The following OSBPL3 variants were observed in gnomAD, a reference collection of about 807,000 sequenced individuals.
OSBPL3 encodes oxysterol-binding protein-related protein 3.
OSBPL3 carries 65 observed loss-of-function variants against 120.1 expected under a neutral mutation model. The ratio of observed to expected loss-of-function variants is 0.54; its 90% CI spans 0.44 to 0.67. The LOEUF is 0.67. OSBPL3 is among the 30% of genes least tolerant of loss of function. OSBPL3 has a pLI of 0.00. For synonymous variants in OSBPL3, 416 were observed against 402.6 expected (o/e 1.03, Z -0.40); for missense variants, 1,004 against 1,082.1 (o/e 0.93, Z 1.01).
chr7:24,824,817 A>G lies in OSBPL3; in HGVS notation c.1885-4579T>C, dbSNP rs184522200. On this transcript the variant is annotated intron_variant, in intron 16 of 22. Transcript: ENST00000313367. The surrounding 1 kb of genome is among the most constrained non-coding windows in gnomAD (Gnocchi z 4.9). The stretch of plus-strand genomic sequence containing the variant: ...CAGTGAGTAGGAGTGCTGGTCAGAC[A>G]GGGTGGTGGGGCAGGACTCTAATAA... 3.3e-5 allele frequency among the ~76,000 whole-genome samples: 5 copies of G among 152,328 alleles called. No homozygotes were observed. Among genetic ancestry groups the G allele is most frequent in the Admixed American group, 2.6e-4 (4 of 15,298 alleles).
rs369588461 is a variant in OSBPL3, at chr7:24,952,003, A to G, written c.-150+27883T>C. On this transcript the variant is annotated intron_variant, in intron 1 of 22. Transcript: ENST00000313367. The surrounding 1 kb of genome is among the most constrained non-coding windows in gnomAD (Gnocchi z 4.4). Reference sequence around the variant, plus strand: ...GAGAGCTCTAGTACTGTTGACAGCAACACTTCTTGGGGATATTATTAACTG... The same window carrying G: ...GAGAGCTCTAGTACTGTTGACAGCAGCACTTCTTGGGGATATTATTAACTG... Among the ~76,000 whole-genome samples the G allele has an allele frequency of 2.8e-4, 42 of 152,352 alleles. No homozygotes were observed. The highest frequency in any genetic ancestry group is 9.9e-4 in the African/African-American group (41 of 41,580).
At position 24,833,015 on chromosome 7, in the gene OSBPL3, C is replaced by A. The variant is rs981881359; in HGVS notation, c.1746+1471G>T. Among the ~76,000 whole-genome samples, 1 of 152,184 alleles carries A rather than the reference C, an allele frequency of 6.6e-6. No individual in the cohort carries two copies. Among genetic ancestry groups the A allele is most frequent in the Non-Finnish European group, 1.5e-5 (1 of 68,030 alleles). On this transcript the variant is annotated intron_variant, in intron 15 of 22. Transcript: ENST00000313367. This position sits in a 1 kb window ranked among gnomAD's most constrained non-coding sequence, Gnocchi z 4.4. ...TGAAACATCTTTAAGAAACTTTCAT[C>A]CTCAAAGCCAATCATTTCCTTTAAA...
intron 10 of OSBPL3, among the ~76,000 whole-genome samples, chr7:24,858,599 A>G (rs62449856): frequency 0.076 from 11,515 of 152,314 alleles, 585 homozygotes; most frequent in Non-Finnish European, 0.12. Flanking sequence ...TGTTGTCTGT[A>G]AGCCCACAGG....
chr7:24,912,994 G>A lies in OSBPL3; in HGVS notation c.-149-20373C>T, dbSNP rs1379367176. 2.0e-5 allele frequency among the ~76,000 whole-genome samples: 3 copies of A among 152,204 alleles called. No individual in the cohort carries two copies. Among genetic ancestry groups the A allele is most frequent in the Non-Finnish European group, 2.9e-5 (2 of 68,040 alleles). ...GCTAGCCAACATGGAAAGAACACAT[G>A]GAGAGATCCATTCGGAAAAGAATGG... On this transcript the variant is annotated intron_variant, in intron 1 of 22. Transcript: ENST00000313367. This position sits in a 1 kb window ranked among gnomAD's most constrained non-coding sequence, Gnocchi z 4.5.
rs184514741 is a variant in OSBPL3, at chr7:24,854,690, C to T, written c.1028-2056G>A. On this transcript the variant is annotated intron_variant, in intron 10 of 22. Transcript: ENST00000313367. This position sits in a 1 kb window ranked among gnomAD's most constrained non-coding sequence, Gnocchi z 4.1. The stretch of plus-strand genomic sequence containing the variant: ...GGCAGGACAACAGAGTAATCAACAG[C>T]TGGGGCTCCACCATCAGCCCTGGAT... 5.1e-4 allele frequency among the ~76,000 whole-genome samples: 78 copies of T among 152,250 alleles called. No individual in the cohort carries two copies. Among genetic ancestry groups the T allele is most frequent in the Non-Finnish European group, 2.4e-4 (16 of 68,020 alleles).
intron 16 of OSBPL3, among the ~76,000 whole-genome samples, chr7:24,829,613 GA>G (rs1796132869): frequency 6.6e-6 from 1 of 152,164 alleles, no homozygotes; most frequent in African/African-American, 2.4e-5. Context: ...TAGGGGGTGA[GA>G]AATGTACAGA....
chr7:24,960,080 C>A (rs190181063), intron 1 of OSBPL3, among the ~76,000 whole-genome samples: 17 of 152,162 alleles, frequency 1.1e-4, no homozygotes, highest in African/African-American at 2.7e-4. Flanking sequence ...AAGAAAAAAA[C>A]CAATTATTTA....
intron 14 of OSBPL3, among the ~76,000 whole-genome samples, chr7:24,838,388 CG>C (rs557861161): frequency 1.3e-3 from 196 of 152,118 alleles, no homozygotes; most frequent in African/African-American, 4.5e-3. Context: ...CCTAGCTACT[CG>C]GGAGGCTGAG....
At chr7:24,956,377 A>G (rs1192834383) in intron 1 of OSBPL3, among the ~76,000 whole-genome samples, 2 of 152,254 alleles carry the variant, frequency 1.3e-5, no homozygotes, top group Non-Finnish European at 1.5e-5. Flanking sequence ...AAGGGTACTC[A>G]GAAAAGAATA....
At position 24,968,879 on chromosome 7, in the gene OSBPL3, G is replaced by T. The variant is rs770061404; in HGVS notation, c.-150+11007C>A. On this transcript the variant is annotated intron_variant, in intron 1 of 22. Transcript: ENST00000313367. The surrounding 1 kb of genome is among the most constrained non-coding windows in gnomAD (Gnocchi z 4.6). The stretch of plus-strand genomic sequence containing the variant: ...AATGTAGAGCTGCCTCATTTTTAAC[G>T]GCTCTATTATTTTTAATTAGTACTT... 6.6e-6 allele frequency among the ~76,000 whole-genome samples: 1 copy of T among 151,748 alleles called. No homozygotes were observed. Among genetic ancestry groups the T allele is most frequent in the Non-Finnish European group, 1.5e-5 (1 of 67,980 alleles).
At chr7:24,882,198 G>T (rs34422201) in intron 2 of OSBPL3, among the ~76,000 whole-genome samples, 28 of 151,750 alleles carry the variant, frequency 1.8e-4, no homozygotes, top group African/African-American at 6.8e-4. Flanking sequence ...GGGCTTTCAG[G>T]GTATCCATCA....
At chr7:24,927,716 A>C (rs1163842451) in intron 1 of OSBPL3, among the ~76,000 whole-genome samples, 2 of 152,140 alleles carry the variant, frequency 1.3e-5, no homozygotes, top group African/African-American at 2.4e-5. Context: ...TACCATTTTG[A>C]GAGAGAAAAT....
Position 24,804,873 on chromosome 7 carries a change from TA to T in OSBPL3, c.2445-437del, listed in dbSNP as rs944926498. ...TATCCCTTGATTTTTGGTTTTGGTTTATTTTTTATTTAACAATATATCTTAC... is the reference window on the plus strand; with the variant it reads ...TATCCCTTGATTTTTGGTTTTGGTTTTTTTTTATTTAACAATATATCTTAC... On this transcript the variant is annotated intron_variant, in intron 21 of 22. Transcript: ENST00000313367. The surrounding 1 kb of genome is among the most constrained non-coding windows in gnomAD (Gnocchi z 5.4). Among the ~76,000 whole-genome samples the T allele has an allele frequency of 4.5e-4, 69 of 152,372 alleles. No homozygotes were observed. Among genetic ancestry groups the T allele is most frequent in the African/African-American group, 1.4e-3 (60 of 41,592 alleles).
intron 16 of OSBPL3, among the ~76,000 whole-genome samples, chr7:24,828,633 A>AAAAAAAAAAAAAAAAAAG (rs1554349993): frequency 7.4e-6 from 1 of 134,626 alleles, no homozygotes; most frequent in Non-Finnish European, 1.7e-5. Flanking sequence ...AAAAAAAAAA[A>AAAAAAAAAAAAAAAAAAG]AAAGGCATCG....
chr7:24,836,848 TTTTTG>T (rs1797059844), intron 14 of OSBPL3, among the ~76,000 whole-genome samples: 15 of 152,180 alleles, frequency 9.9e-5, no homozygotes, highest in African/African-American at 3.6e-4. Flanking sequence ...AAATTAATTT[TTTTTG>T]AGACAGAGTC....
chr7:24,978,637 C>A (rs111316862), intron 1 of OSBPL3, among the ~76,000 whole-genome samples: 1 of 152,150 alleles, frequency 6.6e-6, no homozygotes, highest in Admixed American at 6.5e-5. Flanking sequence ...ATGATACTTG[C>A]GGGGTACAGT....
At position 24,966,186 on chromosome 7, in the gene OSBPL3, G is replaced by C. The variant is rs910741686; in HGVS notation, c.-150+13700C>G. Among the ~76,000 whole-genome samples, 8 of 152,182 alleles carry C rather than the reference G, an allele frequency of 5.3e-5. No homozygotes were observed. The highest frequency in any genetic ancestry group is 1.9e-4 in the African/African-American group (8 of 41,458). On this transcript the variant is annotated intron_variant, in intron 1 of 22. Coordinates refer to ENST00000313367, the MANE Select transcript of OSBPL3 (RefSeq NM_015550.4). The surrounding 1 kb of genome is among the most constrained non-coding windows in gnomAD (Gnocchi z 4.8). ...CAACATGGGTATTTTCCCCAGACTG[G>C]GAAGTTCTTAGCCGCGAAGAGAAAT...
At chr7:24,893,300 G>A (rs1805636612) in intron 1 of OSBPL3, among the ~76,000 whole-genome samples, 1 of 152,136 alleles carries the variant, frequency 6.6e-6, no homozygotes, top group African/African-American at 2.4e-5. Context: ...ATATTAAAGG[G>A]AATGAGGTAC....
intron 1 of OSBPL3, among the ~76,000 whole-genome samples, chr7:24,907,140 A>T (rs948689509): frequency 6.6e-6 from 1 of 152,162 alleles, no homozygotes; most frequent in East Asian, 1.9e-4. Flanking sequence ...TTCTCAAAAC[A>T]ACCTATCCAT....
Sources: gnomAD v4.1 joint callset for allele counts (sites outside exome capture counted in the v4.1 genomes callset) on GRCh38, gnomAD v4.1.1 for gene constraint, Gnocchi (gnomAD v3.1) non-coding constraint, MANE v1.5 for transcripts, NCBI Gene and HGNC (gene_info 2026-07-23, HGNC 2026-07-21) for gene names.